Variants in SERPINE2 observed in about 807,000 individuals in gnomAD.
SERPINE2 encodes the protein serpin family E member 2, also known as glia-derived nexin.
A neutral mutation model predicts 36.3 loss-of-function variants in SERPINE2; 14 were observed. The observed-to-expected ratio is 0.39, with a 90% CI of 0.25 to 0.60. The LOEUF is 0.60. Ranked by LOEUF, SERPINE2 falls within the 20% of genes least tolerant of loss-of-function variation. The probability of loss-of-function intolerance (pLI) is 0.57; values close to 1 mark genes in which losing one functional copy is unlikely to be tolerated. For synonymous variants in SERPINE2, 192 were observed against 191.8 expected (o/e 1.00, Z -0.01); for missense variants, 418 against 499.6 (o/e 0.84, Z 1.56).
At chr2:224,027,426 G>A (rs1418878356) in intron 1 of SERPINE2, among the ~76,000 whole-genome samples, 1 of 152,176 alleles carries the variant, frequency 6.6e-6, no homozygotes, top group Non-Finnish European at 1.5e-5. Context: ...AGAGGGAGGG[G>A]AGGGGACTTC....
intron 3 of SERPINE2, among the ~76,000 whole-genome samples, chr2:223,993,530 A>ATGTGTGTGTGTGTGTG (rs36049464): frequency 7.3e-5 from 11 of 149,902 alleles, no homozygotes; most frequent in African/African-American, 2.2e-4. Context: ...GCTCAAATAT[A>ATGTGTGTGTGTGTGTG]TGTGTGTGTG....
chr2:223,985,686 C>T (rs1690400394), intron 4 of SERPINE2, among the ~76,000 whole-genome samples: 1 of 152,156 alleles, frequency 6.6e-6, no homozygotes, highest in African/African-American at 2.4e-5. Flanking sequence ...GAGAAAGCCA[C>T]CTTTAGAGAA....
At position 224,038,665 on chromosome 2, in the gene SERPINE2, C is replaced by G. The variant is rs1692609122; in HGVS notation, c.-23+434G>C. The G allele has an allele frequency of 7.2e-6, 5 of 696,688 alleles. No homozygotes were observed. In the Admixed American group the frequency reaches 1.1e-4, roughly 16 times the overall value. The allele number at this position is 696,688 out of a possible 1,614,324, so 43.2% of individuals were successfully genotyped here. On this transcript the variant is annotated intron_variant, in intron 1 of 8. Transcript: ENST00000409304. ...CAAGTAAGAGTGCGCCAGTCTCTCC[C>G]CATCCGGCGGCGCGCAGCCTAAGTC...
At chr2:224,000,563 G>A (rs1691075614) in intron 2 of SERPINE2, among the ~76,000 whole-genome samples, 1 of 152,116 alleles carries the variant, frequency 6.6e-6, no homozygotes, top group Non-Finnish European at 1.5e-5. Flanking sequence ...TACATGTGCA[G>A]AACGTGTAGG....
intron 5 of SERPINE2, 104 bp downstream of exon 5, chr2:223,984,648 C>T: frequency 9.4e-7 from 1 of 1,061,230 alleles, no homozygotes; most frequent in African/African-American, 1.6e-5. Context: ...ACAGAACAGG[C>T]TTCATGATGT....
In SERPINE2 at chr2:223,998,169, C is replaced by A. The variant is rs749800355; in HGVS notation, c.433G>T (p.Asp145Tyr). ...ATGGAATCACAGGCAGAGGCTGGAT[C>A]CTCAAAGTTCACATTCCGGACCTCA... ...QCEVRNVNFE[D>Y]PASACDSINA... Residue 145 changes from aspartate to tyrosine, a missense_variant, in exon 3 of 9, where the codon GAT (aspartate) becomes TAT (tyrosine). Physicochemically the swap from Asp to Tyr is radical, Grantham distance 160. Coordinates refer to ENST00000409304, the MANE Select transcript of SERPINE2 (RefSeq NM_001136528.2). 5.6e-6 allele frequency: 9 copies of A among 1,614,082 alleles called. No homozygotes were observed. The Admixed American group carries it at 1.5e-4, about 27-fold the overall frequency.
chr2:224,012,016 G>A (rs1374795419), intron 1 of SERPINE2, among the ~76,000 whole-genome samples: 1 of 152,126 alleles, frequency 6.6e-6, no homozygotes, highest in Admixed American at 6.5e-5. Context: ...TTTCTTGGTT[G>A]GCCCTAAGTG....
At chr2:224,004,705 A>C (rs1691325234) in intron 1 of SERPINE2, among the ~76,000 whole-genome samples, 1 of 151,984 alleles carries the variant, frequency 6.6e-6, no homozygotes, top group African/African-American at 2.4e-5. Context: ...TTAAAATTTA[A>C]TATAGCACAA....
chr2:224,031,330 G>A lies in SERPINE2; in HGVS notation c.-23+7769C>T, dbSNP rs953359656. 9.3e-5 allele frequency: 92 copies of A among 985,270 alleles called. No individual in the cohort carries two copies. In the African/African-American group the frequency reaches 1.5e-3, roughly 16 times the overall value. The allele number at this position is 985,270 out of a possible 1,614,324, so 61.0% of individuals were successfully genotyped here. A position where few individuals can be genotyped will look rare whatever the true frequency, so the allele number is the denominator to read the frequency against. On this transcript the variant is annotated intron_variant, in intron 1 of 8. Transcript: ENST00000409304. ...CCCTTCCTTCCCAACTACATGAGTGGGAATGATATCAGCATCTAGCTGAGA... is the reference window on the plus strand; with the variant it reads ...CCCTTCCTTCCCAACTACATGAGTGAGAATGATATCAGCATCTAGCTGAGA...
chr2:224,008,166 T>C (rs1229574128), intron 1 of SERPINE2, among the ~76,000 whole-genome samples: 1 of 152,168 alleles, frequency 6.6e-6, no homozygotes, highest in Non-Finnish European at 1.5e-5. Flanking sequence ...CCGTAGAGGG[T>C]GGTGAAATCA....
chr2:223,995,690 C>A (rs571243998), intron 3 of SERPINE2, among the ~76,000 whole-genome samples: 3 of 152,208 alleles, frequency 2.0e-5, no homozygotes, highest in Non-Finnish European at 4.4e-5. Flanking sequence ...CCACGCAAAT[C>A]AAGCAGAGCC....
rs754545456 is a variant in SERPINE2, at chr2:223,975,380, C to T, written c.*487G>A. On this transcript the variant is annotated 3_prime_UTR_variant, in exon 9 of 9. Coordinates refer to ENST00000409304, the MANE Select transcript of SERPINE2 (RefSeq NM_001136528.2). ...GCTAGAGATTTCACCGTTTCTACCA[C>T]CAAAATAACGCTTGCTATCAAGACT... 1 of 152,600 alleles carries T rather than the reference C, an allele frequency of 6.6e-6. No homozygotes were observed. Among genetic ancestry groups the T allele is most frequent in the Non-Finnish European group, 1.5e-5 (1 of 68,124 alleles). 9.5% of individuals were successfully genotyped at this position (152,600 alleles called of 1,614,324 possible).
chr2:223,975,930 A>G (rs375122102), intron 8 of SERPINE2, 26 bp from the exon 9 acceptor site: 13 of 1,575,500 alleles, frequency 8.3e-6, no homozygotes, highest in East Asian at 2.2e-5. Context: ...AAAACAATGC[A>G]TGACTCTGTA....
intron 1 of SERPINE2, chr2:224,010,431 A>T (rs1047737357): frequency 1.1e-6 from 1 of 904,304 alleles, no homozygotes; most frequent in Non-Finnish European, 1.3e-6. Flanking sequence ...ACACTCTGAC[A>T]TCAAGTGCCT....
chr2:224,009,497 C>A (rs6742225), intron 1 of SERPINE2, among the ~76,000 whole-genome samples: 1 of 151,904 alleles, frequency 6.6e-6, no homozygotes, highest in South Asian at 2.1e-4. Flanking sequence ...GAGTTCGAAA[C>A]CAGCCTGGCC....
chr2:223,984,891 C>T lies in SERPINE2; in HGVS notation c.745G>A (p.Glu249Lys). ...AGTGCAATCAGCATGCTGATGCTTT[C>T]CCCGTGGTAGGGCAGTTCAATGAAG... ...YNFIELPYHG[E>K]SISMLIALPT... Residue 249 changes from glutamate to lysine, a missense_variant, in exon 5 of 9, where the codon GAA becomes AAA. Physicochemically the swap from Glu to Lys is moderately conservative, Grantham distance 56 (BLOSUM62 1). Transcript: ENST00000409304. The T allele has an allele frequency of 6.2e-7, 1 of 1,614,146 alleles. No homozygotes were observed. Among genetic ancestry groups the T allele is most frequent in the Non-Finnish European group, 8.5e-7 (1 of 1,180,020 alleles).
chr2:224,023,295 C>G (rs1053455654), intron 1 of SERPINE2, among the ~76,000 whole-genome samples: 3 of 152,206 alleles, frequency 2.0e-5, no homozygotes, highest in Non-Finnish European at 4.4e-5. Flanking sequence ...GACAAACTCC[C>G]AAGTTTGTCT....
At chr2:224,022,158 CAAAAAA>C (rs71058977) in intron 1 of SERPINE2, among the ~76,000 whole-genome samples, 1 of 72,598 alleles carries the variant, frequency 1.4e-5, no homozygotes, top group Non-Finnish European at 2.5e-5. Context: ...GACTCCTTCT[CAAAAAA>C]AAAAAAAAAA....
At chr2:224,036,583 G>A (rs918227343) in intron 1 of SERPINE2, among the ~76,000 whole-genome samples, 1 of 149,980 alleles carries the variant, frequency 6.7e-6, no homozygotes, top group South Asian at 2.1e-4. Flanking sequence ...GTATACCTAT[G>A]TAACAAACCT....
Sources: gnomAD v4.1 joint callset for allele counts (sites outside exome capture counted in the v4.1 genomes callset) on GRCh38, gnomAD v4.1.1 for gene constraint, MANE v1.5 for transcripts, NCBI Gene and HGNC (gene_info 2026-07-23, HGNC 2026-07-21) for gene names.